Variants in NGDN observed in about 807,000 individuals in gnomAD.
NGDN encodes the protein neuroguidin, also known as EIF4E-binding protein.
A neutral mutation model predicts 45.2 loss-of-function variants in NGDN; 41 were observed. The ratio of observed to expected loss-of-function variants is 0.91; its 90% CI spans 0.71 to 1.18. NGDN has a LOEUF of 1.18. NGDN is among the 50% of genes most tolerant of loss of function. The probability of loss-of-function intolerance (pLI) is 0.00; values close to 1 mark genes in which losing one functional copy is unlikely to be tolerated. For synonymous variants in NGDN, 137 were observed against 130.9 expected (o/e 1.05, Z -0.32); for missense variants, 402 against 399.9 (o/e 1.01, Z -0.05).
intron 6 of NGDN, 61 bp from the exon 7 acceptor site, chr14:23,475,968 G>T: frequency 6.2e-7 from 1 of 1,608,416 alleles, no homozygotes. Flanking sequence ...CCAGCTTTGG[G>T]TTTTCTTCTC....
chr14:23,472,072 C>T (rs1728321976), intron 3 of NGDN, among the ~76,000 whole-genome samples: 1 of 150,908 alleles, frequency 6.6e-6, no homozygotes, highest in Non-Finnish European at 1.5e-5. Context: ...GTAGTCCCAG[C>T]TACTCAGGAG....
chr14:23,476,419 T>G lies in NGDN; in HGVS notation c.713+12T>G, dbSNP rs763820645. ...GAGGACCAACACAGGTCTGAGCCCTTGCATTAGAAATTATTCCTGCACTCT... is the reference window on the plus strand; with the variant it reads ...GAGGACCAACACAGGTCTGAGCCCTGGCATTAGAAATTATTCCTGCACTCT... On this transcript the variant is annotated intron_variant, in intron 8 of 10. Coordinates refer to ENST00000408901, the MANE Select transcript of NGDN (RefSeq NM_001042635.2). 6 of 1,600,452 alleles carry G rather than the reference T, an allele frequency of 3.7e-6. No homozygotes were observed. In the South Asian group the frequency reaches 6.6e-5, roughly 18 times the overall value.
chr14:23,475,052 C>A, intron 3 of NGDN, 119 bp from the exon 4 acceptor site: 1 of 956,532 alleles, frequency 1.0e-6, no homozygotes, highest in Non-Finnish European at 1.5e-6. Flanking sequence ...TTCCAGATAC[C>A]TAATATGAAC....
intron 10 of NGDN, 140 bp from the exon 11 acceptor site, chr14:23,477,867 C>G (rs917021187): frequency 2.0e-5 from 31 of 1,548,052 alleles, no homozygotes; most frequent in East Asian, 1.8e-4. Context: ...TACTTCTCGT[C>G]TTTTGTCCTG....
At chr14:23,470,809 A>T in intron 2 of NGDN, 97 bp from the exon 3 acceptor site, 1 of 867,308 alleles carries the variant, frequency 1.2e-6, no homozygotes, top group Non-Finnish European at 1.8e-6. Flanking sequence ...AGTGTTTCAG[A>T]TAATTTTTAG....
Position 23,476,066 on chromosome 14 carries a change from A to G in NGDN, c.458A>G (p.Asp153Gly). The change falls in exon 7 of 11, where the codon GAT becomes GGT. Residue 153 changes from aspartate (D) to glycine (G), a missense_variant. Asp to Gly is a moderately conservative substitution (Grantham distance 94). Transcript: ENST00000408901. ...SEDEEEDEAE[D>G]DQSEASGKKS... is the part of the protein sequence containing the mutation. ...GATGAGGAGGAAGATGAAGCAGAAG[A>G]TGACCAGTCTGAGGCTTCAGGGAAG... The G allele has an allele frequency of 6.2e-7, 1 of 1,614,190 alleles. No individual in the cohort carries two copies. The highest frequency in any genetic ancestry group is 2.2e-5 in the East Asian group (1 of 44,894).
At chr14:23,470,718 G>GT (rs5807217) in intron 2 of NGDN, among the ~76,000 whole-genome samples, 188 bp from the exon 3 acceptor site, 6 of 149,344 alleles carry the variant, frequency 4.0e-5, no homozygotes, top group Admixed American at 6.6e-5. Flanking sequence ...GAAGTGGAAA[G>GT]TTTTTTTTTT....
rs765956487 is a variant in NGDN at position 23,477,201 on chromosome 14, AT to A, written c.717del (p.Asn240ThrfsTer6). On this transcript the variant is annotated frameshift_variant and splice_region_variant, in exon 9 of 11. Coordinates refer to ENST00000408901, the MANE Select transcript of NGDN (RefSeq NM_001042635.2). LOFTEE classifies it high-confidence loss of function. Reference protein sequence around the residue: ...TRQSQEDQHRINYEESMMVRL... With the variant: ...TRQSQEDQHRXNYEESMMVRL... ...CTGGAAACTGTCTTTCTCTGGCAGG[AT>A]TAACTATGAGGAGAGCATGATGGTG... 1 of 1,613,946 alleles carries A rather than the reference AT, an allele frequency of 6.2e-7. No individual in the cohort carries two copies. Among genetic ancestry groups the A allele is most frequent in the Non-Finnish European group, 8.5e-7 (1 of 1,179,890 alleles).
chr14:23,478,196 T>C (rs1893949698), downstream of NGDN: 1 of 634,416 alleles, frequency 1.6e-6, no homozygotes, highest in Non-Finnish European at 2.6e-6. Flanking sequence ...TTTGCACATG[T>C]ATTGTACGAC....
At position 23,476,011 on chromosome 14, in the gene NGDN, A is replaced by G. The variant is rs1893892962; in HGVS notation, c.421-18A>G. 1.2e-6 allele frequency: 2 copies of G among 1,613,902 alleles called. No individual in the cohort carries two copies. The highest frequency in any genetic ancestry group is 1.7e-5 in the Admixed American group (1 of 60,004). ...TCATGAATGCTTCCTAAATTTGCAG[A>G]CATTGTTTCTTTTGTAGTTGAGCTC... On this transcript the variant is annotated intron_variant, in intron 6 of 10. Coordinates refer to ENST00000408901, the MANE Select transcript of NGDN (RefSeq NM_001042635.2).
chr14:23,477,781 T>C, intron 10 of NGDN: 2 of 1,455,996 alleles, frequency 1.4e-6, no homozygotes, highest in Non-Finnish European at 1.8e-6. Flanking sequence ...GTCCCACAGC[T>C]CCTGTTCAGG....
chr14:23,475,185 G>A lies in NGDN; in HGVS notation c.159G>A (p.Leu53=), dbSNP rs1233839008. ...GTTCAACTCAGGGTCTCAGCTTCTT[G>A]GAAGTGAAAGACCAGCTGCTGCTCA... ...AYPTEKGLSF[L]EVKDQLLLMY... is the part of the protein sequence containing the mutation. Residue 53 remains leucine, a synonymous_variant, in exon 4 of 11, where the codon TTG becomes TTA. Transcript: ENST00000408901. 1 of 1,612,498 alleles carries A rather than the reference G, an allele frequency of 6.2e-7. No individual in the cohort carries two copies. The highest frequency in any genetic ancestry group is 1.3e-5 in the African/African-American group (1 of 74,918).
At chr14:23,474,511 A>G (rs368947203) in intron 3 of NGDN, among the ~76,000 whole-genome samples, 2 of 152,116 alleles carry the variant, frequency 1.3e-5, no homozygotes, top group South Asian at 2.1e-4. Context: ...TAGGGGTAGC[A>G]GTTACTTGTG....
rs1003468360 is a variant in NGDN at position 23,477,263 on chromosome 14, A to T, written c.777A>T (p.Arg259=). The change falls in exon 9 of 11, where the codon CGA becomes CGT. Residue 259 remains arginine, a synonymous_variant. Transcript: ENST00000408901. Reference sequence around the variant, plus strand: ...TCAGTAAGCGAGAGAAAGGACGGCGAAAACGAGCAAATGTCATGAGCTCAC... The same window carrying T: ...TCAGTAAGCGAGAGAAAGGACGGCGTAAACGAGCAAATGTCATGAGCTCAC... ...LSVSKREKGR[R]KRANVMSSQL... The T allele has an allele frequency of 1.9e-6, 3 of 1,614,078 alleles. No individual in the cohort carries two copies. The highest frequency in any genetic ancestry group is 2.5e-6 in the Non-Finnish European group (3 of 1,180,036).
Position 23,478,000 on chromosome 14 carries a change from C to A in NGDN, c.929-7C>A. The A allele has an allele frequency of 1.2e-6, 2 of 1,614,126 alleles. No individual in the cohort carries two copies. Among genetic ancestry groups the A allele is most frequent in the African/African-American group, 1.3e-5 (1 of 75,034 alleles). On this transcript the variant is annotated splice_polypyrimidine_tract_variant and splice_region_variant and intron_variant, in intron 10 of 10. Coordinates refer to ENST00000408901, the MANE Select transcript of NGDN (RefSeq NM_001042635.2). ...TTTGCCTCATTCTTGGTTTCCCTTC[C>A]TTTCAGGTTTTCGGAGGCGGCGGTG... is the stretch of plus-strand genomic sequence containing the variant.
intron 3 of NGDN, 123 bp downstream of exon 3, chr14:23,471,100 T>G (rs908448464): frequency 5.0e-6 from 3 of 597,992 alleles, no homozygotes; most frequent in Non-Finnish European, 8.1e-6. Flanking sequence ...ATGATCCAGT[T>G]TCTGTGCTGA....
chr14:23,474,260 A>G (rs7151139), intron 3 of NGDN, among the ~76,000 whole-genome samples: 114,557 of 151,952 alleles, frequency 0.75, 43,725 homozygotes, highest in Non-Finnish European at 0.83. Flanking sequence ...TCTTAGCTCT[A>G]CTTGTATTAC....
chr14:23,472,770 G>A (rs957082538), intron 3 of NGDN, among the ~76,000 whole-genome samples: 1 of 152,146 alleles, frequency 6.6e-6, no homozygotes, highest in Non-Finnish European at 1.5e-5. Context: ...AGTTACAGCA[G>A]ATTTGTGCTT....
At chr14:23,476,688 T>G (rs566455954) in intron 8 of NGDN, among the ~76,000 whole-genome samples, 17 of 152,322 alleles carry the variant, frequency 1.1e-4, no homozygotes, top group Admixed American at 4.6e-4. Context: ...TGTATGCAGT[T>G]CCACATAGTA....
Sources: allele counts gnomAD v4.1 joint callset (sites outside exome capture counted in the v4.1 genomes callset), GRCh38; gene constraint gnomAD v4.1.1; transcripts MANE v1.5; gene names NCBI Gene and HGNC (gene_info 2026-07-23, HGNC 2026-07-21).